VEGFB: variants seen among roughly 807,000 people sequenced by gnomAD.
VEGFB encodes the protein VEGF-related factor.
Under a neutral mutation model 22.5 loss-of-function variants are expected in VEGFB, and 24 were observed. That is an observed-to-expected ratio of 1.07 (90% CI 0.77 to 1.50). The LOEUF is 1.50. Ranked by LOEUF, VEGFB falls within the 40% of genes most tolerant of loss-of-function variation. The probability of loss-of-function intolerance (pLI) is 0.00; values close to 1 mark genes in which losing one functional copy is unlikely to be tolerated. For synonymous variants in VEGFB, 141 were observed against 117.4 expected, an observed-to-expected ratio of 1.20 and a Z score of -1.30; for missense variants, 327 against 287.8, an observed-to-expected ratio of 1.14 and a Z score of -0.99.
rs1240316662 is a variant in VEGFB, at chr11:64,238,402, G to A, written c.*69G>A. On this transcript the variant is annotated 3_prime_UTR_variant, in exon 7 of 7. Transcript: ENST00000309422. Reference sequence around the variant, plus strand: ...ACACATGGCTTTTCAGACTCAGCAGGGTGACTTGCCTCAGAGGCTATATCC... The same window carrying A: ...ACACATGGCTTTTCAGACTCAGCAGAGTGACTTGCCTCAGAGGCTATATCC... 1 of 1,536,142 alleles carries A rather than the reference G, an allele frequency of 6.5e-7. No homozygotes were observed. Among genetic ancestry groups the A allele is most frequent in the Non-Finnish European group, 8.7e-7 (1 of 1,146,874 alleles).
Position 64,237,794 on chromosome 11 carries a change from C to T in VEGFB, c.*22+139C>T, listed in dbSNP as rs376357862. 38 of 788,244 alleles carry T rather than the reference C, an allele frequency of 4.8e-5. No individual in the cohort carries two copies. The East Asian group carries it at 6.3e-4, about 13-fold the overall frequency. 48.8% of individuals were successfully genotyped at this position (788,244 alleles called of 1,614,324 possible). On this transcript the variant is annotated intron_variant, in intron 6 of 6. Coordinates refer to ENST00000309422, the MANE Select transcript of VEGFB (RefSeq NM_003377.5). ...ATGTGTTGAACAAATATTTACCAAACAGCTGCTGGCACCTGGAGCTGTATA... is the reference window on the plus strand; with the variant it reads ...ATGTGTTGAACAAATATTTACCAAATAGCTGCTGGCACCTGGAGCTGTATA...
Position 64,235,459 on chromosome 11 carries a change from C to A in VEGFB, c.62C>A (p.Ala21Asp). 2 of 1,613,806 alleles carry A rather than the reference C, an allele frequency of 1.2e-6. No individual in the cohort carries two copies. The highest frequency in any genetic ancestry group is 2.2e-5 in the East Asian group (1 of 44,890). The change falls in exon 2 of 7, where the codon GCC becomes GAC. Residue 21 changes from alanine to aspartate, a missense_variant and splice_region_variant. Ala to Asp is a moderately radical substitution (Grantham distance 126). Coordinates refer to ENST00000309422, the MANE Select transcript of VEGFB (RefSeq NM_003377.5). ...GTACAGGTCTTTTCTCTCCCACAGG[C>A]CCCTGTCTCCCAGCCTGATGCCCCT... ...AALLQLAPAQ[A>D]PVSQPDAPGH...
At position 64,237,155 on chromosome 11, in the gene VEGFB, G is replaced by T. The variant is rs545483300; in HGVS notation, c.375-32G>T. 2.6e-6 allele frequency: 4 copies of T among 1,552,092 alleles called. No individual in the cohort carries two copies. In the South Asian group the frequency reaches 3.5e-5, roughly 14 times the overall value. On this transcript the variant is annotated intron_variant, in intron 4 of 6. Transcript: ENST00000309422. ...GCTGGGATTTCCTGATCTTCCTCTT[G>T]TTTGTCTGTGTCTGTCTATCTTACT... is the stretch of plus-strand genomic sequence containing the variant.
At chr11:64,235,729 T>G (rs888785554) in intron 2 of VEGFB, 84 bp from the exon 3 acceptor site, 5 of 1,527,594 alleles carry the variant, frequency 3.3e-6, no homozygotes, top group Non-Finnish European at 4.5e-6. Flanking sequence ...AGGGTGGCTG[T>G]GACTTGGGGA....
intron 4 of VEGFB, among the ~76,000 whole-genome samples, chr11:64,236,695 C>T (rs79976744): frequency 0.013 from 1,628 of 121,476 alleles, 32 homozygotes; most frequent in African/African-American, 0.049. Flanking sequence ...CCAGCCTGGG[C>T]GACAGAGCAA....
In VEGFB at chr11:64,235,473, C is replaced by T. The variant is rs1295485253; in HGVS notation, c.76C>T (p.Pro26Ser). The change falls in exon 2 of 7, where the codon CCT becomes TCT. Residue 26 changes from proline (P) to serine (S), a missense_variant. Transcript: ENST00000309422. ...LAPAQAPVSQ[P>S]DAPGHQRKVV... Reference sequence around the variant, plus strand: ...TCTCCCACAGGCCCCTGTCTCCCAGCCTGATGCCCCTGGCCACCAGAGGAA... The same window carrying T: ...TCTCCCACAGGCCCCTGTCTCCCAGTCTGATGCCCCTGGCCACCAGAGGAA... The T allele has an allele frequency of 6.2e-7, 1 of 1,613,768 alleles. No homozygotes were observed. Among genetic ancestry groups the T allele is most frequent in the East Asian group, 2.2e-5 (1 of 44,904 alleles).
chr11:64,235,769 C>A lies in VEGFB; in HGVS notation c.104-44C>A, dbSNP rs748766424. ...GGAGGACAGATGCTGGGAGCAGCTG[C>A]AGGAAAACCAGTGAGGACTTAACCC... On this transcript the variant is annotated intron_variant, in intron 2 of 6. Transcript: ENST00000309422. The A allele has an allele frequency of 1.3e-5, 21 of 1,607,132 alleles. No individual in the cohort carries two copies. The South Asian group carries it at 2.3e-4, about 18-fold the overall frequency.
rs751516453 is a variant in VEGFB, at chr11:64,237,523, C to T, written c.514C>T (p.Pro172Ser). 5.6e-6 allele frequency: 9 copies of T among 1,611,166 alleles called. No individual in the cohort carries two copies. Among genetic ancestry groups the T allele is most frequent in the Non-Finnish European group, 7.6e-6 (9 of 1,179,886 alleles). Residue 172 changes from proline (P) to serine (S), a missense_variant, in exon 6 of 7, where the codon CCA (proline) becomes TCA (serine). Transcript: ENST00000309422. The stretch of plus-strand genomic sequence containing the variant: ...TGACATCACCCATCCCACTCCAGCC[C>T]CAGGCCCCTCTGCCCACGCTGCACC... ...PADITHPTPA[P>S]GPSAHAAPST... is the part of the protein sequence containing the mutation.
chr11:64,237,095 G>T, intron 4 of VEGFB, 92 bp from the exon 5 acceptor site: 1 of 186,676 alleles, frequency 5.4e-6, no homozygotes, highest in Non-Finnish European at 8.9e-6. Context: ...AAGAGAGAGA[G>T]AGAGAGAGAG....
chr11:64,235,171 A>G, intron 1 of VEGFB, among the ~76,000 whole-genome samples: 1 of 152,130 alleles, frequency 6.6e-6, no homozygotes, highest in African/African-American at 2.4e-5. Flanking sequence ...TTCGGTGGGC[A>G]CTGTGCGCGC....
At chr11:64,237,719 C>T in intron 6 of VEGFB, 64 bp downstream of exon 6, 1 of 1,403,356 alleles carries the variant, frequency 7.1e-7, no homozygotes. Context: ...GGAGCAGGTC[C>T]AGGGTGAGCC....
chr11:64,236,952 A>C (rs1013729691), intron 4 of VEGFB, among the ~76,000 whole-genome samples: 2 of 147,100 alleles, frequency 1.4e-5, no homozygotes, highest in East Asian at 4.2e-4. Context: ...GCATGGTGGC[A>C]GGTGCCTGTA....
rs751516453 is a variant in VEGFB, at chr11:64,237,523, C to G, written c.514C>G (p.Pro172Ala). ...TGACATCACCCATCCCACTCCAGCC[C>G]CAGGCCCCTCTGCCCACGCTGCACC... ...PADITHPTPAPGPSAHAAPST... is the reference protein window; with the variant it reads ...PADITHPTPAAGPSAHAAPST... Residue 172 changes from proline to alanine, a missense_variant, in exon 6 of 7, where the codon CCA becomes GCA. Coordinates refer to ENST00000309422, the MANE Select transcript of VEGFB (RefSeq NM_003377.5). 1 of 1,611,284 alleles carries G rather than the reference C, an allele frequency of 6.2e-7. No individual in the cohort carries two copies. The highest frequency in any genetic ancestry group is 1.1e-5 in the South Asian group (1 of 91,062).
chr11:64,236,033 G>T (rs1051103032), intron 3 of VEGFB, 24 bp downstream of exon 3: 4 of 1,560,572 alleles, frequency 2.6e-6, no homozygotes, highest in African/African-American at 1.4e-5. Context: ...GGGGCAACGG[G>T]CAGGGGATGC....
At chr11:64,235,714 A>C in intron 2 of VEGFB, 99 bp from the exon 3 acceptor site, 1 of 1,420,510 alleles carries the variant, frequency 7.0e-7, no homozygotes, top group Non-Finnish European at 9.8e-7. Flanking sequence ...GGGGAGGGCT[A>C]GTGGAGGGTG....
rs763723071 is a variant in VEGFB at position 64,236,021 on chromosome 11, G to T, written c.300+12G>T. 37 of 1,572,656 alleles carry T rather than the reference G, an allele frequency of 2.4e-5. No homozygotes were observed. The highest frequency in any genetic ancestry group is 3.1e-5 in the Non-Finnish European group (36 of 1,159,348). Reference sequence around the variant, plus strand: ...AAGTCCGGATGCAGGTACTGGGCAGGTGGGGCAACGGGCAGGGGATGCAGG... The same window carrying T: ...AAGTCCGGATGCAGGTACTGGGCAGTTGGGGCAACGGGCAGGGGATGCAGG... On this transcript the variant is annotated intron_variant, in intron 3 of 6. Coordinates refer to ENST00000309422, the MANE Select transcript of VEGFB (RefSeq NM_003377.5).
In VEGFB at chr11:64,234,819, G is replaced by GCCCCGGCGGGCAC; in HGVS notation, c.-13_-1dup. On this transcript the variant is annotated 5_prime_UTR_variant, in exon 1 of 7. Transcript: ENST00000309422. This position sits in a 1 kb window ranked among gnomAD's most constrained non-coding sequence, Gnocchi z 5.3. Reference sequence around the variant, plus strand: ...GCGATGCGGGCGCCCCCGGCGGGCGGCCCCGGCGGGCACCATGAGCCCTCT... The same window carrying GCCCCGGCGGGCAC: ...GCGATGCGGGCGCCCCCGGCGGGCGGCCCCGGCGGGCACCCCCGGCGGGCACCATGAGCCCTCT... 8.5e-7 allele frequency: 1 copy of GCCCCGGCGGGCAC among 1,169,774 alleles called. No homozygotes were observed. The highest frequency in any genetic ancestry group is 1.1e-6 in the Non-Finnish European group (1 of 948,660). 72.5% of individuals were successfully genotyped at this position (1,169,774 alleles called of 1,614,324 possible). A position where few individuals can be genotyped will look rare whatever the true frequency, so the allele number is the denominator to read the frequency against.
Position 64,235,501 on chromosome 11 carries a change from G to C in VEGFB, c.103+1G>C. ...GATGCCCCTGGCCACCAGAGGAAAG[G>C]TAATACTTACAAAAACTCGGCACTA... On this transcript the variant is annotated splice_donor_variant, in intron 2 of 6. Transcript: ENST00000309422. LOFTEE classifies it high-confidence loss of function. 6.2e-7 allele frequency: 1 copy of C among 1,613,894 alleles called. No individual in the cohort carries two copies.
At chr11:64,236,686 C>T (rs1233794598) in intron 4 of VEGFB, among the ~76,000 whole-genome samples, 1 of 133,258 alleles carries the variant, frequency 7.5e-6, no homozygotes, top group African/African-American at 2.8e-5. Flanking sequence ...CACTGCATTC[C>T]AGCCTGGGCG....
Sources: gnomAD v4.1 joint callset for allele counts (sites outside exome capture counted in the v4.1 genomes callset) on GRCh38, gnomAD v4.1.1 for gene constraint, Gnocchi (gnomAD v3.1) non-coding constraint, MANE v1.5 for transcripts, NCBI Gene and HGNC (gene_info 2026-07-23, HGNC 2026-07-21) for gene names.